CASK: variants seen among roughly 807,000 people sequenced by gnomAD.
The protein encoded by CASK is peripheral plasma membrane protein CASK.
In CASK, 4 loss-of-function variants were observed where a neutral mutation model predicts 82.9. The observed-to-expected ratio is 0.05, with a 90% CI of 0.02 to 0.11. CASK has a LOEUF of 0.11. CASK is among the 10% of genes least tolerant of loss of function. CASK has a pLI of 1.00. For missense variants in CASK, 358 were observed against 720.9 expected (o/e 0.50, Z 5.76); for synonymous variants, 259 against 253.5 (o/e 1.02, Z -0.20).
At position 41,772,774 on chromosome X, in the gene CASK, C is replaced by T. The variant is rs760374819; in HGVS notation, c.278+14404G>A. On this transcript the variant is annotated intron_variant, in intron 3 of 26. Transcript: ENST00000378163. ...CAGCACTTTAGGAGGCCGAGGCGGG[C>T]GGATCACCTGAGGTAACGAGTTTGA... Among the ~76,000 whole-genome samples the T allele has an allele frequency of 1.7e-4, 19 of 110,791 alleles. No individual in the cohort carries two copies. The East Asian group carries it at 2.8e-3, about 17-fold the overall frequency.
At chrX:41,794,682 C>T (rs1234182895) in intron 2 of CASK, among the ~76,000 whole-genome samples, 1 of 112,265 alleles carries the variant, frequency 8.9e-6, no homozygotes, top group Admixed American at 9.5e-5. Context: ...TTTGTCAAAA[C>T]TCACTGAAGT....
At chrX:41,608,355 T>C (rs2065989589) in intron 12 of CASK, among the ~76,000 whole-genome samples, 1 of 112,088 alleles carries the variant, frequency 8.9e-6, no homozygotes, top group Admixed American at 9.5e-5. Context: ...ATAAATAATT[T>C]AACCAATAAA....
intron 3 of CASK, among the ~76,000 whole-genome samples, chrX:41,755,574 G>T (rs6610613): frequency 0.011 from 1,264 of 112,046 alleles, 21 homozygotes; most frequent in African/African-American, 0.038. Flanking sequence ...TCAGGAACAA[G>T]CCAAGAAAGT....
intron 6 of CASK, among the ~76,000 whole-genome samples, chrX:41,671,107 T>C (rs1434618473): frequency 2.7e-5 from 3 of 112,182 alleles, no homozygotes; most frequent in African/African-American, 9.7e-5. Flanking sequence ...ACATTTTAGA[T>C]TTGACTTCAT....
intron 8 of CASK, among the ~76,000 whole-genome samples, chrX:41,656,696 G>C (rs764195559): frequency 9.0e-6 from 1 of 111,249 alleles, no homozygotes; most frequent in Non-Finnish European, 1.9e-5. Flanking sequence ...GTCCCCACTA[G>C]ATATTCTTTC....
intron 22 of CASK, among the ~76,000 whole-genome samples, chrX:41,541,082 T>A (rs1384143245): frequency 1.8e-5 from 2 of 112,643 alleles, no homozygotes; most frequent in African/African-American, 3.2e-5. Context: ...TCAATTTATA[T>A]GTCAACACAT....
At chrX:41,757,613 T>C (rs181448019) in intron 3 of CASK, among the ~76,000 whole-genome samples, 1 of 112,525 alleles carries the variant, frequency 8.9e-6, no homozygotes, top group African/African-American at 3.2e-5. Flanking sequence ...CACTGTAACC[T>C]TGAAGTCCCA....
chrX:41,518,006 T>A lies in CASK; in HGVS notation c.*2414A>T. 9 of 385,124 alleles carry A rather than the reference T, an allele frequency of 2.3e-5. No individual in the cohort carries two copies. In the South Asian group the frequency reaches 3.6e-4, roughly 16 times the overall value. 31.7% of individuals were successfully genotyped at this position (385,124 alleles called of 1,213,427 possible). A position where few individuals can be genotyped will look rare whatever the true frequency, so the allele number is the denominator to read the frequency against. On this transcript the variant is annotated 3_prime_UTR_variant, in exon 27 of 27. Transcript: ENST00000378163. ...CAAGAATGATGCCTGCCTGTGTGCTTCTCAGAGGACGTATAAAGCCACTGA... is the reference window on the plus strand; with the variant it reads ...CAAGAATGATGCCTGCCTGTGTGCTACTCAGAGGACGTATAAAGCCACTGA...
At chrX:41,656,666 A>AT (rs1292595323) in intron 8 of CASK, among the ~76,000 whole-genome samples, 5 of 111,093 alleles carry the variant, frequency 4.5e-5, no homozygotes. Context: ...CACACTCAAC[A>AT]TGAGTGGGGC....
chrX:41,612,040 G>C (rs76784890), intron 11 of CASK, among the ~76,000 whole-genome samples: 2 of 112,051 alleles, frequency 1.8e-5, no homozygotes, highest in African/African-American at 6.5e-5. Context: ...GCGTGATCTC[G>C]GCTCGCTACA....
intron 4 of CASK, among the ~76,000 whole-genome samples, chrX:41,745,228 G>A (rs2147735272): frequency 9.0e-6 from 1 of 111,490 alleles, no homozygotes; most frequent in East Asian, 2.8e-4. Context: ...ATGTTGGCCA[G>A]GATGATCTCG....
chrX:41,834,258 C>A (rs1423558718), intron 2 of CASK, among the ~76,000 whole-genome samples: 1 of 111,091 alleles, frequency 9.0e-6, no homozygotes, highest in African/African-American at 3.3e-5. Context: ...TAACGCACCA[C>A]AATTAAGATT....
intron 1 of CASK, among the ~76,000 whole-genome samples, chrX:41,862,010 C>CATATATACATTAT: frequency 9.6e-6 from 1 of 104,095 alleles, no homozygotes; most frequent in South Asian, 4.0e-4. Flanking sequence ...TGTATACATA[C>CATATATACATTAT]GTTATATATA....
At chrX:41,904,948 T>C (rs892751405) in intron 1 of CASK, among the ~76,000 whole-genome samples, 3 of 112,369 alleles carry the variant, frequency 2.7e-5, no homozygotes, top group Admixed American at 9.4e-5. Context: ...CTGCATAGTA[T>C]CCCACAGTAT....
intron 2 of CASK, among the ~76,000 whole-genome samples, chrX:41,804,876 CT>C (rs1398475407): frequency 1.8e-5 from 2 of 111,393 alleles, no homozygotes; most frequent in Non-Finnish European, 3.8e-5. Context: ...AAAAAAATGC[CT>C]TTTGTTAAAA....
At chrX:41,670,784 C>T (rs1233734577) in intron 6 of CASK, among the ~76,000 whole-genome samples, 1 of 110,946 alleles carries the variant, frequency 9.0e-6, no homozygotes, top group African/African-American at 3.3e-5. Flanking sequence ...ACAACTATGA[C>T]CTATGGCTCA....
intron 3 of CASK, among the ~76,000 whole-genome samples, chrX:41,759,283 C>T (rs1461285934): frequency 9.0e-6 from 1 of 111,471 alleles, no homozygotes; most frequent in Non-Finnish European, 1.9e-5. Flanking sequence ...GTTTTCTCAA[C>T]ACTATTTAAA....
chrX:41,525,607 A>G (rs1320814504), intron 25 of CASK, among the ~76,000 whole-genome samples: 1 of 111,465 alleles, frequency 9.0e-6, no homozygotes, highest in Non-Finnish European at 1.9e-5. Flanking sequence ...TTGTTCAGCT[A>G]TCTCACTCAT....
In CASK at chrX:41,591,116, A is replaced by G. The variant is rs774474940; in HGVS notation, c.1156-1524T>C. On this transcript the variant is annotated intron_variant, in intron 12 of 26. Transcript: ENST00000378163. The stretch of plus-strand genomic sequence containing the variant: ...AATGGTGATTTGTGGCTCGTCCACA[A>G]AAGTTTGCCCAAATCCCTGTAAAAT... Among the ~76,000 whole-genome samples, 781 of 111,926 alleles carry G rather than the reference A, an allele frequency of 7.0e-3. 1 individual carries two copies. The highest frequency in any genetic ancestry group is 0.012 in the Non-Finnish European group (613 of 53,191).
Sources: allele counts gnomAD v4.1 joint callset (sites outside exome capture counted in the v4.1 genomes callset), GRCh38; gene constraint gnomAD v4.1.1; transcripts MANE v1.5; gene names NCBI Gene and HGNC (gene_info 2026-07-23, HGNC 2026-07-21).